Variants in ADGRV1 observed in about 807,000 individuals in gnomAD.
ADGRV1 encodes adhesion G protein-coupled receptor V1.
In ADGRV1, 359 loss-of-function variants were observed where a neutral mutation model predicts 596.2. The observed-to-expected ratio is 0.60, with a 90% CI of 0.55 to 0.66. The LOEUF (loss-of-function observed/expected upper bound fraction) is 0.66, where lower values mean the gene tolerates loss of function less well. Ranked by LOEUF, ADGRV1 falls within the 30% of genes least tolerant of loss-of-function variation. ADGRV1 has a pLI of 0.00. For missense variants in ADGRV1, 7,274 were observed against 7,575.6 expected (o/e 0.96, Z 1.48); for synonymous variants, 2,681 against 2,679.2 (o/e 1.00, Z -0.02).
chr5:90,952,695 T>C (rs140459062), intron 83 of ADGRV1, among the ~76,000 whole-genome samples: 638 of 152,296 alleles, frequency 4.2e-3, no homozygotes, highest in South Asian at 0.021. Flanking sequence ...TCTGTATAGA[T>C]AGTAATAAGT....
intron 83 of ADGRV1, among the ~76,000 whole-genome samples, chr5:90,923,321 A>G (rs1027933235): frequency 1.3e-5 from 2 of 152,104 alleles, no homozygotes; most frequent in Non-Finnish European, 2.9e-5. Flanking sequence ...AAAGTTAGAA[A>G]TTGCCTCTAA....
chr5:90,569,415 T>TTTTTTTTTC (rs1295993815), intron 1 of ADGRV1, among the ~76,000 whole-genome samples: 1 of 105,650 alleles, frequency 9.5e-6, no homozygotes, highest in Admixed American at 9.4e-5. Context: ...TTTTTTTTTT[T>TTTTTTTTTC]CTCATTCTTA....
chr5:90,787,920 A>C (rs1561732511), intron 67 of ADGRV1, 151 bp from the exon 68 acceptor site: 2 of 550,250 alleles, frequency 3.6e-6, no homozygotes, highest in Admixed American at 3.7e-5. Context: ...ACAAAAAAAA[A>C]CAAGTTTATG....
chr5:90,657,247 C>A (rs1224024945), intron 20 of ADGRV1, among the ~76,000 whole-genome samples: 2 of 151,104 alleles, frequency 1.3e-5, no homozygotes, highest in Non-Finnish European at 3.0e-5. Flanking sequence ...CATAGCAAGA[C>A]CCTGTCTCTA....
intron 83 of ADGRV1, among the ~76,000 whole-genome samples, chr5:90,945,884 G>A (rs1279935160): frequency 6.6e-6 from 1 of 151,928 alleles, no homozygotes; most frequent in African/African-American, 2.4e-5. Context: ...AGGCTGAGAT[G>A]GGAGGAGCAC....
chr5:90,893,027 A>G (rs1318102560), intron 83 of ADGRV1, among the ~76,000 whole-genome samples: 3 of 152,198 alleles, frequency 2.0e-5, no homozygotes, highest in South Asian at 2.1e-4. Flanking sequence ...TTAAACAACA[A>G]TCATTTATTA....
intron 83 of ADGRV1, among the ~76,000 whole-genome samples, chr5:90,909,551 A>AT (rs2150682472): frequency 6.6e-6 from 1 of 150,472 alleles, no homozygotes; most frequent in African/African-American, 2.4e-5. Context: ...TTGTTCTGTC[A>AT]TAACAACCAA....
chr5:90,931,785 C>T (rs1775275620), intron 83 of ADGRV1, among the ~76,000 whole-genome samples: 1 of 152,150 alleles, frequency 6.6e-6, no homozygotes, highest in Non-Finnish European at 1.5e-5. Context: ...AATGAAATCA[C>T]TCTTTCTGGA....
chr5:90,862,953 A>G (rs1767745379), intron 82 of ADGRV1, among the ~76,000 whole-genome samples: 2 of 152,220 alleles, frequency 1.3e-5, no homozygotes, highest in African/African-American at 4.8e-5. Flanking sequence ...TTTATTAACG[A>G]GGCATTGATA....
chr5:90,759,975 A>C (rs1399737120), intron 58 of ADGRV1: 12 of 143,038 alleles, frequency 8.4e-5, no homozygotes, highest in African/African-American at 3.7e-4. Context: ...AAAAAAAAAA[A>C]AAAAAAAAAA....
At chr5:90,584,383 A>G (rs1758472413) in intron 1 of ADGRV1, among the ~76,000 whole-genome samples, 1 of 152,184 alleles carries the variant, frequency 6.6e-6, no homozygotes, top group Non-Finnish European at 1.5e-5. Context: ...TTTAATTTTT[A>G]CTTTTCTTCT....
chr5:90,780,326 A>C (rs1758704581), intron 64 of ADGRV1, among the ~76,000 whole-genome samples: 1 of 152,206 alleles, frequency 6.6e-6, no homozygotes, highest in South Asian at 2.1e-4. Flanking sequence ...ACTACTGGTA[A>C]CAGTTACTCT....
At chr5:90,917,545 G>A (rs896237459) in intron 83 of ADGRV1, among the ~76,000 whole-genome samples, 1 of 152,164 alleles carries the variant, frequency 6.6e-6, no homozygotes, top group Admixed American at 6.5e-5. Context: ...ATCAACAGGT[G>A]TAACCTGCTT....
chr5:91,045,900 T>C lies in ADGRV1; in HGVS notation c.18153-26547T>C, dbSNP rs151091846. On this transcript the variant is annotated intron_variant, in intron 85 of 89. Transcript: ENST00000405460. Reference sequence around the variant, plus strand: ...AACAGCGACCAAGCTGAGAATCAAGTCAAGAACTCAACACCTCTTATAATA... The same window carrying C: ...AACAGCGACCAAGCTGAGAATCAAGCCAAGAACTCAACACCTCTTATAATA... Among the ~76,000 whole-genome samples the C allele has an allele frequency of 5.9e-3, 893 of 152,082 alleles. 7 individuals are homozygous for C. The highest frequency in any genetic ancestry group is 0.021 in the African/African-American group (864 of 41,492).
At chr5:90,974,706 G>T (rs1779393536) in intron 84 of ADGRV1, among the ~76,000 whole-genome samples, 1 of 152,040 alleles carries the variant, frequency 6.6e-6, no homozygotes, top group African/African-American at 2.4e-5. Context: ...AATTCAAGAT[G>T]GATTAAAGAC....
At chr5:90,774,703 A>G (rs1326586487) in intron 60 of ADGRV1, among the ~76,000 whole-genome samples, 1 of 152,166 alleles carries the variant, frequency 6.6e-6, no homozygotes, top group Non-Finnish European at 1.5e-5. Flanking sequence ...AAAATTAAGA[A>G]CACATAATTA....
At chr5:90,857,803 T>G (rs1363690910) in intron 82 of ADGRV1, among the ~76,000 whole-genome samples, 1 of 152,168 alleles carries the variant, frequency 6.6e-6, no homozygotes, top group African/African-American at 2.4e-5. Flanking sequence ...TACATACATA[T>G]TCTTTATATA....
intron 59 of ADGRV1, among the ~76,000 whole-genome samples, chr5:90,765,300 TG>T (rs1414102038): frequency 6.6e-6 from 1 of 152,192 alleles, no homozygotes; most frequent in Non-Finnish European, 1.5e-5. Flanking sequence ...TCACCCTGTG[TG>T]GCCACACCTC....
At position 90,791,138 on chromosome 5, in the gene ADGRV1, G is replaced by A. The variant is rs41304892; in HGVS notation, c.14309G>A (p.Arg4770His). ...GGAGTATTTGCCCTGTATTCGGATC[G>A]CCAGTCAATACTTATTGGGCAGAAC... ...PHGVFALYSD[R>H]QSILIGQNLI... The change falls in exon 70 of 90, where the codon CGC becomes CAC. Residue 4770 changes from arginine (R) to histidine (H), a missense_variant. Arg to His is a conservative substitution (Grantham distance 29). Coordinates refer to ENST00000405460, the MANE Select transcript of ADGRV1 (RefSeq NM_032119.4). 5.6e-3 allele frequency: 8,999 copies of A among 1,613,894 alleles called. 38 individuals are homozygous for A. Among genetic ancestry groups the A allele is most frequent in the Non-Finnish European group, 7.2e-3 (8,504 of 1,179,842 alleles).
Sources: gnomAD v4.1 joint callset for allele counts (sites outside exome capture counted in the v4.1 genomes callset) on GRCh38, gnomAD v4.1.1 for gene constraint, MANE v1.5 for transcripts, NCBI Gene and HGNC (gene_info 2026-07-23, HGNC 2026-07-21) for gene names.